CCBE1: variants seen among roughly 807,000 people sequenced by gnomAD.
The protein encoded by CCBE1 is collagen and calcium binding EGF domains 1, also known as collagen and calcium-binding EGF domain-containing protein 1.
CCBE1 carries 37 observed loss-of-function variants against 50.0 expected under a neutral mutation model. That is an observed-to-expected ratio of 0.74 (90% CI 0.57 to 0.97). The LOEUF is 0.97. Among genes scored for constraint, CCBE1 ranks in the 50% least tolerant of loss-of-function variants. The pLI is 0.00. For missense variants in CCBE1, 538 were observed against 523.8 expected (o/e 1.03, Z -0.26); for synonymous variants, 234 against 203.7 (o/e 1.15, Z -1.27).
intron 2 of CCBE1, among the ~76,000 whole-genome samples, chr18:59,516,259 A>G (rs1478294382): frequency 6.6e-6 from 1 of 151,284 alleles, no homozygotes; most frequent in Non-Finnish European, 1.5e-5. Context: ...TTTCTTATCA[A>G]CTCTGGAGAG....
intron 3 of CCBE1, among the ~76,000 whole-genome samples, chr18:59,476,071 T>C (rs1470659067): frequency 2.0e-5 from 3 of 152,070 alleles, no homozygotes; most frequent in Non-Finnish European, 4.4e-5. Context: ...TTCCAGGAAG[T>C]ATGTAGCTTT....
intron 2 of CCBE1, among the ~76,000 whole-genome samples, chr18:59,528,921 G>T (rs974571856): frequency 2.0e-5 from 3 of 152,192 alleles, no homozygotes; most frequent in Non-Finnish European, 2.9e-5. Flanking sequence ...TCTGTTGGGG[G>T]AGGGGTTCTC....
intron 2 of CCBE1, among the ~76,000 whole-genome samples, chr18:59,504,194 A>G (rs549552927): frequency 7.0e-4 from 107 of 152,280 alleles, no homozygotes; most frequent in African/African-American, 2.5e-3. Flanking sequence ...CATCTTCACA[A>G]TCTCCATGCT....
chr18:59,532,654 A>G (rs1452400902), intron 2 of CCBE1, among the ~76,000 whole-genome samples: 1 of 152,206 alleles, frequency 6.6e-6, no homozygotes, highest in Non-Finnish European at 1.5e-5. Flanking sequence ...GACTGAAGAA[A>G]CATTCTTGCA....
chr18:59,436,216 C>T (rs1047946865), intron 10 of CCBE1, 75 bp from the exon 11 acceptor site: 106 of 1,324,646 alleles, frequency 8.0e-5, no homozygotes, highest in Non-Finnish European at 7.8e-5. Context: ...ACTTGACCTG[C>T]TGCTTGCTGG....
At chr18:59,502,973 C>T (rs1246403929) in intron 2 of CCBE1, among the ~76,000 whole-genome samples, 1 of 152,198 alleles carries the variant, frequency 6.6e-6, no homozygotes, top group East Asian at 1.9e-4. Flanking sequence ...CGGCAATCCA[C>T]GATCATGGCC....
chr18:59,592,235 G>A (rs945412069), intron 2 of CCBE1, among the ~76,000 whole-genome samples: 2 of 151,924 alleles, frequency 1.3e-5, no homozygotes. Context: ...TCTGCGTCTC[G>A]AAAAAACAAA....
intron 2 of CCBE1, among the ~76,000 whole-genome samples, chr18:59,645,482 C>T (rs1434516175): frequency 6.6e-6 from 1 of 152,196 alleles, no homozygotes; most frequent in Non-Finnish European, 1.5e-5. Flanking sequence ...AAGCCCACAG[C>T]TTATCTATGG....
intron 2 of CCBE1, among the ~76,000 whole-genome samples, chr18:59,550,658 A>T (rs1915876690): frequency 6.6e-6 from 1 of 152,144 alleles, no homozygotes. Context: ...AAGAATCCTA[A>T]TGCAAACCCC....
intron 2 of CCBE1, among the ~76,000 whole-genome samples, chr18:59,535,172 A>C (rs181886150): frequency 2.6e-5 from 4 of 152,350 alleles, no homozygotes; most frequent in Admixed American, 2.6e-4. Flanking sequence ...GATTGACAGC[A>C]TCATGAAGCC....
intron 5 of CCBE1, chr18:59,465,692 T>C (rs1226220958): frequency 6.6e-6 from 1 of 152,356 alleles, no homozygotes; most frequent in East Asian, 1.9e-4. Context: ...ATTTTTGTTT[T>C]TATCCAATTG....
At chr18:59,631,320 C>T (rs370097806) in intron 2 of CCBE1, among the ~76,000 whole-genome samples, 4 of 152,078 alleles carry the variant, frequency 2.6e-5, no homozygotes, top group Non-Finnish European at 5.9e-5. Flanking sequence ...TTTCAGGCTG[C>T]CTGAAGCCAG....
intron 4 of CCBE1, among the ~76,000 whole-genome samples, chr18:59,468,671 C>G (rs1158637814): frequency 6.6e-6 from 1 of 152,174 alleles, no homozygotes; most frequent in East Asian, 1.9e-4. Flanking sequence ...CTCATGACAG[C>G]TGGTTTATCT....
At chr18:59,546,270 A>G (rs917427174) in intron 2 of CCBE1, among the ~76,000 whole-genome samples, 2 of 152,220 alleles carry the variant, frequency 1.3e-5, no homozygotes, top group Admixed American at 1.3e-4. Flanking sequence ...TTTCATCAAT[A>G]AACTGCCTGT....
At chr18:59,518,057 T>C (rs78560767) in intron 2 of CCBE1, among the ~76,000 whole-genome samples, 10,514 of 141,406 alleles carry the variant, frequency 0.074, 483 homozygotes, top group Middle Eastern at 0.12. Context: ...CCTTGGTGAG[T>C]GTCCTGAGAA....
intron 2 of CCBE1, among the ~76,000 whole-genome samples, chr18:59,596,907 G>T (rs908150169): frequency 6.6e-6 from 1 of 152,212 alleles, no homozygotes; most frequent in African/African-American, 2.4e-5. Flanking sequence ...ACAGTACCAG[G>T]AGAACATGTG....
chr18:59,589,790 C>CA (rs752546235), intron 2 of CCBE1, among the ~76,000 whole-genome samples: 2,260 of 72,614 alleles, frequency 0.031, 59 homozygotes, highest in African/African-American at 0.064. Context: ...GACTCCATCT[C>CA]AAAAAAAAAA....
At chr18:59,648,024 A>G (rs1209641996) in intron 2 of CCBE1, among the ~76,000 whole-genome samples, 1 of 152,244 alleles carries the variant, frequency 6.6e-6, no homozygotes, top group Non-Finnish European at 1.5e-5. Flanking sequence ...CATCAAAACT[A>G]TGTGACAAAG....
rs199509639 is a variant in CCBE1 at position 59,452,955 on chromosome 18, G to A, written c.654+1896C>T. Among the ~76,000 whole-genome samples the A allele has an allele frequency of 0.011, 1,723 of 152,300 alleles. 111 individuals are homozygous for A. In the East Asian group the frequency reaches 0.2, roughly 18 times the overall value. On this transcript the variant is annotated intron_variant, in intron 6 of 10. Transcript: ENST00000439986. ...ATAAGAGTTACTGGAGTATTAAGATGACCTCGTGGATTTTTATGTAGCTCT... is the reference window on the plus strand; with the variant it reads ...ATAAGAGTTACTGGAGTATTAAGATAACCTCGTGGATTTTTATGTAGCTCT...
Sources: gnomAD v4.1 joint callset for allele counts (sites outside exome capture counted in the v4.1 genomes callset) on GRCh38, gnomAD v4.1.1 for gene constraint, MANE v1.5 for transcripts, NCBI Gene and HGNC (gene_info 2026-07-23, HGNC 2026-07-21) for gene names.